The following ELN variants were observed in gnomAD, a reference collection of about 807,000 sequenced individuals.
The protein encoded by ELN is elastin, also known as tropoelastin.
A neutral mutation model predicts 105.8 loss-of-function variants in ELN; 65 were observed. The ratio of observed to expected loss-of-function variants is 0.61; its 90% CI spans 0.50 to 0.75. The LOEUF (loss-of-function observed/expected upper bound fraction) is 0.75, where lower values mean the gene tolerates loss of function less well. ELN is among the 30% of genes least tolerant of loss of function. The pLI is 0.00. For missense variants in ELN, 882 were observed against 969.4 expected, an observed-to-expected ratio of 0.91 and a Z score of 1.20; for synonymous variants, 368 against 389.2, an observed-to-expected ratio of 0.95 and a Z score of 0.64.
At chr7:74,057,346 G>A in intron 21 of ELN, 3 of 1,462,860 alleles carry the variant, frequency 2.1e-6, no homozygotes, top group Non-Finnish European at 1.8e-6. Context: ...AGTGAGTACT[G>A]GGAGGGGCAA....
rs781961707 is a variant in ELN at position 74,063,747 on chromosome 7, A to G, written c.1993+52A>G. 2.5e-6 allele frequency: 4 copies of G among 1,609,892 alleles called. No individual in the cohort carries two copies. Among genetic ancestry groups the G allele is most frequent in the Non-Finnish European group, 3.4e-6 (4 of 1,176,626 alleles). On this transcript the variant is annotated intron_variant, in intron 29 of 32. Coordinates refer to ENST00000252034, the MANE Select transcript of ELN (RefSeq NM_000501.4). The surrounding 1 kb of genome is among the most constrained non-coding windows in gnomAD (Gnocchi z 4.1). The stretch of plus-strand genomic sequence containing the variant: ...TGTGTGTGGTGTGTGTATGCGAGAC[A>G]GAGATGGAGACAGAGACAGAGACAG...
chr7:74,033,274 C>T (rs1325931438), intron 1 of ELN, among the ~76,000 whole-genome samples: 2 of 152,226 alleles, frequency 1.3e-5, no homozygotes, highest in Non-Finnish European at 2.9e-5. Context: ...CTGTTCCCTG[C>T]AGTCTGCTCT....
rs1280742454 is a variant in ELN at position 74,060,870 on chromosome 7, C to T, written c.1748-231C>T. On this transcript the variant is annotated intron_variant, in intron 25 of 32. Coordinates refer to ENST00000252034, the MANE Select transcript of ELN (RefSeq NM_000501.4). ...TCTTCACCAGCTGGTGACTGAGCCC[C>T]ACTCTGTGCCCAGCCTCAGGCAGTC... 4.6e-5 allele frequency among the ~76,000 whole-genome samples: 7 copies of T among 152,208 alleles called. No homozygotes were observed. The South Asian group carries it at 1.2e-3, about 27-fold the overall frequency.
chr7:74,059,268 T>C (rs1458985129), intron 22 of ELN, among the ~76,000 whole-genome samples: 2 of 152,158 alleles, frequency 1.3e-5, no homozygotes, highest in African/African-American at 4.8e-5. Context: ...GTTGCACAGC[T>C]AAATGGTGGC....
intron 12 of ELN, among the ~76,000 whole-genome samples, chr7:74,047,039 G>A (rs1236209383): frequency 3.9e-5 from 6 of 151,990 alleles, no homozygotes; most frequent in Admixed American, 2.6e-4. Flanking sequence ...AACTGAGATC[G>A]CGCTACTGCA....
At position 74,058,467 on chromosome 7, in the gene ELN, G is replaced by C. The variant is rs56162607; in HGVS notation, c.1414+771G>C. Among the ~76,000 whole-genome samples, 154 of 152,088 alleles carry C rather than the reference G, an allele frequency of 1.0e-3. 1 individual carries two copies. The highest frequency in any genetic ancestry group is 3.6e-3 in the African/African-American group (148 of 41,486). Reference sequence around the variant, plus strand: ...CCTCCCAGTCTCAAGCAGTCTGCCTGCTTCCGCCCCCCAAGAGCTGAGACC... The same window carrying C: ...CCTCCCAGTCTCAAGCAGTCTGCCTCCTTCCGCCCCCCAAGAGCTGAGACC... On this transcript the variant is annotated intron_variant, in intron 22 of 32. Transcript: ENST00000252034.
In ELN at chr7:74,068,866, G is replaced by A; in HGVS notation, c.*166G>A. 2.4e-6 allele frequency: 2 copies of A among 828,640 alleles called. No individual in the cohort carries two copies. Among genetic ancestry groups the A allele is most frequent in the Non-Finnish European group, 4.0e-6 (2 of 503,188 alleles). 51.3% of individuals were successfully genotyped at this position (828,640 alleles called of 1,614,324 possible). On this transcript the variant is annotated 3_prime_UTR_variant, in exon 33 of 33. Transcript: ENST00000252034. ...GATCCACAGGGCAAGGAAACAAGAG[G>A]GGAGCGGCCAAGTGCCCCGACCAGG... is the stretch of plus-strand genomic sequence containing the variant.
intron 32 of ELN, 147 bp downstream of exon 32, chr7:74,066,923 A>G (rs1798087777): frequency 3.8e-6 from 3 of 792,484 alleles, no homozygotes; most frequent in Middle Eastern, 3.1e-4. Flanking sequence ...CTGGACCCCG[A>G]GCTGAATGTA....
intron 18 of ELN, among the ~76,000 whole-genome samples, chr7:74,053,534 T>C (rs1794578684): frequency 6.6e-6 from 1 of 152,212 alleles, no homozygotes; most frequent in Admixed American, 6.6e-5. Context: ...CTTCTGGCTA[T>C]CAGTGTTCTC....
At chr7:74,036,707 CA>C in intron 3 of ELN, 123 bp downstream of exon 3, 2 of 1,404,092 alleles carry the variant, frequency 1.4e-6, no homozygotes, top group Admixed American at 1.7e-5. Context: ...ATTTCACAGA[CA>C]GCATCCAGGC....
intron 19 of ELN, 66 bp downstream of exon 19, chr7:74,054,835 C>T: frequency 6.3e-7 from 1 of 1,575,770 alleles, no homozygotes; most frequent in Non-Finnish European, 8.7e-7. Flanking sequence ...ACTAAAGGAC[C>T]CTCCTCTACT....
intron 4 of ELN, chr7:74,038,068 G>T (rs1418186429): frequency 1.3e-5 from 5 of 394,436 alleles, no homozygotes; most frequent in Non-Finnish European, 2.4e-5. Context: ...GGCAACATCA[G>T]GGATTGCTCC....
chr7:74,045,735 T>C (rs567872571), intron 10 of ELN: 33 of 300,250 alleles, frequency 1.1e-4, no homozygotes, highest in African/African-American at 7.2e-4. Context: ...AGAGACCCCG[T>C]TCCCCCGCAA....
At chr7:74,062,466 T>C (rs1222159405) in intron 26 of ELN, among the ~76,000 whole-genome samples, 1 of 152,238 alleles carries the variant, frequency 6.6e-6, no homozygotes, top group Middle Eastern at 3.2e-3. Context: ...CTACCTTTCC[T>C]GCTGCAATGC....
At chr7:74,067,331 G>A (rs1444498377) in intron 32 of ELN, among the ~76,000 whole-genome samples, 3 of 151,802 alleles carry the variant, frequency 2.0e-5, no homozygotes, top group East Asian at 2.0e-4. Flanking sequence ...GCAGTGGCAC[G>A]ATCTTGGCTC....
intron 4 of ELN, among the ~76,000 whole-genome samples, chr7:74,038,249 G>A (rs1366982332): frequency 6.6e-6 from 1 of 152,124 alleles, no homozygotes; most frequent in East Asian, 1.9e-4. Context: ...TGGAGCACTG[G>A]TCTCAAGCCA....
chr7:74,045,216 C>T lies in ELN; in HGVS notation c.470-6C>T, dbSNP rs782169092. 74 of 1,613,872 alleles carry T rather than the reference C, an allele frequency of 4.6e-5. No individual in the cohort carries two copies. The highest frequency in any genetic ancestry group is 1.6e-4 in the Middle Eastern group (1 of 6,084). On this transcript the variant is annotated splice_region_variant and splice_polypyrimidine_tract_variant and intron_variant, in intron 9 of 32. Coordinates refer to ENST00000252034, the MANE Select transcript of ELN (RefSeq NM_000501.4). Reference sequence around the variant, plus strand: ...TTCCTACACTCACTGCTTTGTCCCCCGGCAGGAGCTCGGTTCCCCGGTGTG... The same window carrying T: ...TTCCTACACTCACTGCTTTGTCCCCTGGCAGGAGCTCGGTTCCCCGGTGTG...
At chr7:74,051,711 T>C (rs782690875) in intron 15 of ELN, 39 bp from the exon 16 acceptor site, 6 of 1,611,036 alleles carry the variant, frequency 3.7e-6, no homozygotes, top group African/African-American at 1.3e-5. Flanking sequence ...CTCAGGAGGG[T>C]CCTTGGGAAA....
chr7:74,056,168 G>C, intron 19 of ELN, 103 bp from the exon 20 acceptor site: 1 of 1,479,562 alleles, frequency 6.8e-7, no homozygotes, highest in South Asian at 1.1e-5. Context: ...GACAAGGCCT[G>C]GGGGAAATTT....
Sources: allele counts gnomAD v4.1 joint callset (sites outside exome capture counted in the v4.1 genomes callset), GRCh38; gene constraint gnomAD v4.1.1; non-coding constraint Gnocchi (gnomAD v3.1); transcripts MANE v1.5; gene names NCBI Gene and HGNC (gene_info 2026-07-23, HGNC 2026-07-21).